Variants in CAMSAP2 observed in about 807,000 individuals in gnomAD.
CAMSAP2 encodes calmodulin regulated spectrin associated protein family member 2, also known as calmodulin-regulated spectrin-associated protein 2.
CAMSAP2 carries 26 observed loss-of-function variants against 146.1 expected under a neutral mutation model. The ratio of observed to expected loss-of-function variants is 0.18; its 90% CI spans 0.13 to 0.25. The LOEUF (loss-of-function observed/expected upper bound fraction) is 0.25, where lower values mean the gene tolerates loss of function less well. CAMSAP2 is among the 10% of genes least tolerant of loss of function. The pLI, the probability that CAMSAP2 is intolerant of heterozygous loss-of-function variation, is 1.00. For missense variants in CAMSAP2, 1,381 were observed against 1,759.3 expected, an observed-to-expected ratio of 0.78 and a Z score of 3.85; for synonymous variants, 499 against 596.6, an observed-to-expected ratio of 0.84 and a Z score of 2.38.
chr1:200,839,246 G>A (rs1348880145), intron 6 of CAMSAP2, among the ~76,000 whole-genome samples: 1 of 152,192 alleles, frequency 6.6e-6, no homozygotes, highest in Non-Finnish European at 1.5e-5. Flanking sequence ...TTGGTGACTT[G>A]AGCAGTTGCT....
At chr1:200,856,389 A>G (rs1380546597) in intron 15 of CAMSAP2, among the ~76,000 whole-genome samples, 2 of 152,236 alleles carry the variant, frequency 1.3e-5, no homozygotes, top group East Asian at 3.8e-4. Flanking sequence ...AGTTCTACAT[A>G]GTTCCTCAGT....
chr1:200,802,363 A>G (rs1666056696), intron 2 of CAMSAP2, among the ~76,000 whole-genome samples: 1 of 152,206 alleles, frequency 6.6e-6, no homozygotes, highest in Non-Finnish European at 1.5e-5. Context: ...TCATTGATAA[A>G]ATGACATATC....
At chr1:200,755,496 T>A (rs1279023465) in intron 1 of CAMSAP2, among the ~76,000 whole-genome samples, 1 of 152,202 alleles carries the variant, frequency 6.6e-6, no homozygotes, top group Non-Finnish European at 1.5e-5. Context: ...GGCTGATGGC[T>A]TATAAGGATC....
chr1:200,850,202 G>T lies in CAMSAP2; in HGVS notation c.3433G>T (p.Asp1145Tyr). The change falls in exon 11 of 17, where the codon GAC (aspartate) becomes TAC (tyrosine). Residue 1145 changes from aspartate (D) to tyrosine (Y), a missense_variant. By Grantham distance (160) the Asp-to-Tyr change is radical (BLOSUM62 -3). Coordinates refer to ENST00000358823, the MANE Select transcript of CAMSAP2 (RefSeq NM_203459.4). ...GESDKEQFDD[D>Y]QKVCCGFFFK... ...AAGTGATAAAGAACAATTTGATGAT[G>T]ACCAGAAAGTATGCTGTGGATTCTT... The T allele has an allele frequency of 6.3e-7, 1 of 1,597,230 alleles. No homozygotes were observed. The highest frequency in any genetic ancestry group is 1.1e-5 in the South Asian group (1 of 88,344).
At chr1:200,787,298 A>G (rs1352317664) in intron 2 of CAMSAP2, among the ~76,000 whole-genome samples, 2 of 152,230 alleles carry the variant, frequency 1.3e-5, no homozygotes, top group Admixed American at 6.5e-5. Flanking sequence ...ACCAATCTAG[A>G]TGCCATTCAT....
At chr1:200,748,407 T>C (rs1664404354) in intron 1 of CAMSAP2, among the ~76,000 whole-genome samples, 1 of 152,258 alleles carries the variant, frequency 6.6e-6, no homozygotes, top group Non-Finnish European at 1.5e-5. Flanking sequence ...AATATGAACA[T>C]TTCTGATTGT....
At position 200,853,328 on chromosome 1, in the gene CAMSAP2, A is replaced by T. The variant is rs1336204590; in HGVS notation, c.3656A>T (p.Glu1219Val). The T allele has an allele frequency of 6.2e-7, 1 of 1,613,704 alleles. No individual in the cohort carries two copies. The highest frequency in any genetic ancestry group is 8.5e-7 in the Non-Finnish European group (1 of 1,179,934). ...QKKEDERARR[E>V]FIRQEYMRRK... ...AAAGAAGATGAGAGAGCACGCAGAG[A>T]ATTTATTAGGCAAGAATATATGAGG... The change falls in exon 13 of 17, where the codon GAA (glutamate) becomes GTA (valine). Residue 1219 changes from glutamate to valine, a missense_variant. Transcript: ENST00000358823. The surrounding 1 kb of genome is among the most constrained non-coding windows in gnomAD (Gnocchi z 5.1).
At chr1:200,815,494 A>G (rs1217345092) in intron 3 of CAMSAP2, 67 bp from the exon 4 acceptor site, 3 of 779,148 alleles carry the variant, frequency 3.9e-6, no homozygotes, top group Admixed American at 3.4e-5. Context: ...GTGTTATTTT[A>G]TTGTTATATT....
chr1:200,765,075 G>A (rs1169872116), intron 2 of CAMSAP2, among the ~76,000 whole-genome samples: 1 of 151,986 alleles, frequency 6.6e-6, no homozygotes, highest in Non-Finnish European at 1.5e-5. Flanking sequence ...TTGCACTCTG[G>A]TCTGGGCAAC....
chr1:200,796,987 C>G lies in CAMSAP2; in HGVS notation c.400-10389C>G, dbSNP rs563399266. ...ATTTCCAATTTCTTCCATGTCCCTA[C>G]AAAGGACATGAACTCATCATTTTTA... On this transcript the variant is annotated intron_variant, in intron 2 of 16. Coordinates refer to ENST00000358823, the MANE Select transcript of CAMSAP2 (RefSeq NM_203459.4). Among the ~76,000 whole-genome samples, 11 of 152,296 alleles carry G rather than the reference C, an allele frequency of 7.2e-5. No homozygotes were observed. The South Asian group carries it at 2.1e-3, about 29-fold the overall frequency.
At chr1:200,798,254 G>A (rs937494664) in intron 2 of CAMSAP2, among the ~76,000 whole-genome samples, 37 of 143,852 alleles carry the variant, frequency 2.6e-4, no homozygotes, top group Middle Eastern at 3.4e-3. Context: ...AAATTACCTT[G>A]GGCAGTATGG....
intron 6 of CAMSAP2, among the ~76,000 whole-genome samples, chr1:200,840,909 T>C (rs1442362502): frequency 6.6e-6 from 1 of 152,194 alleles, no homozygotes; most frequent in Non-Finnish European, 1.5e-5. Flanking sequence ...TTTTAAAAAT[T>C]TACCGAATGC....
chr1:200,810,978 C>A lies in CAMSAP2; in HGVS notation c.561+3441C>A, dbSNP rs1157915305. Among the ~76,000 whole-genome samples the A allele has an allele frequency of 3.3e-5, 5 of 152,186 alleles. No homozygotes were observed. In the East Asian group the frequency reaches 7.7e-4, roughly 23 times the overall value. On this transcript the variant is annotated intron_variant, in intron 3 of 16. Coordinates refer to ENST00000358823, the MANE Select transcript of CAMSAP2 (RefSeq NM_203459.4). ...CCAAATACAACCCTATTTCTCCATA[C>A]AACAGACTCTCTCAAGAGTTGTTTG...
intron 3 of CAMSAP2, among the ~76,000 whole-genome samples, chr1:200,812,249 G>A (rs1044725020): frequency 6.6e-6 from 1 of 152,032 alleles, no homozygotes; most frequent in African/African-American, 2.4e-5. Context: ...ATCTAGACCA[G>A]CACAGTGTTT....
At position 200,738,894 on chromosome 1, in the gene CAMSAP2, G is replaced by C. The variant is rs1281536166; in HGVS notation, c.-934G>C. On this transcript the variant is annotated 5_prime_UTR_variant, in exon 1 of 17. Coordinates refer to ENST00000358823, the MANE Select transcript of CAMSAP2 (RefSeq NM_203459.4). ...GGAGCCGCGCGAAGGCGCATGCTCA[G>C]TCTCCGCATCTGCTCCTTCATCCAG... 1.3e-5 allele frequency among the ~76,000 whole-genome samples: 2 copies of C among 151,248 alleles called. No individual in the cohort carries two copies. Among genetic ancestry groups the C allele is most frequent in the African/African-American group, 4.9e-5 (2 of 41,102 alleles).
chr1:200,854,737 A>G (rs1667705846), intron 13 of CAMSAP2, 80 bp from the exon 14 acceptor site: 1 of 993,280 alleles, frequency 1.0e-6, no homozygotes, highest in African/African-American at 1.6e-5. Context: ...TATCTAATGA[A>G]CAGACTCTTT....
chr1:200,751,262 T>C (rs550355249), intron 1 of CAMSAP2, among the ~76,000 whole-genome samples: 2 of 151,282 alleles, frequency 1.3e-5, no homozygotes, highest in East Asian at 1.9e-4. Context: ...AATAAATATA[T>C]ATAATATTTC....
At chr1:200,852,256 A>G (rs1038425812) in intron 11 of CAMSAP2, among the ~76,000 whole-genome samples, 3 of 152,220 alleles carry the variant, frequency 2.0e-5, no homozygotes, top group Non-Finnish European at 4.4e-5. Flanking sequence ...GGGTTAAAAA[A>G]AATTTGTGCT....
chr1:200,796,108 C>T (rs1255275226), intron 2 of CAMSAP2, among the ~76,000 whole-genome samples: 6 of 152,186 alleles, frequency 3.9e-5, no homozygotes, highest in Non-Finnish European at 8.8e-5. Context: ...ATGCATAGTT[C>T]CACCTGGGTA....
Sources: allele counts gnomAD v4.1 joint callset (sites outside exome capture counted in the v4.1 genomes callset), GRCh38; gene constraint gnomAD v4.1.1; non-coding constraint Gnocchi (gnomAD v3.1); transcripts MANE v1.5; gene names NCBI Gene and HGNC (gene_info 2026-07-23, HGNC 2026-07-21).